Variants in GPC6 observed in about 807,000 individuals in gnomAD.
The protein encoded by GPC6 is glypican 6, also known as glypican-6.
Under a neutral mutation model 55.2 loss-of-function variants are expected in GPC6, and 14 were observed. The ratio of observed to expected loss-of-function variants is 0.25; its 90% confidence interval spans 0.17 to 0.40. GPC6 has a LOEUF of 0.40. GPC6 is among the 10% of genes least tolerant of loss of function. The probability of loss-of-function intolerance (pLI) is 1.00; values close to 1 mark genes in which losing one functional copy is unlikely to be tolerated. For synonymous variants in GPC6, 278 were observed against 259.6 expected, an observed-to-expected ratio of 1.07 and a Z score of -0.68; for missense variants, 641 against 708.5, an observed-to-expected ratio of 0.90 and a Z score of 1.08.
intron 2 of GPC6, among the ~76,000 whole-genome samples, chr13:93,790,893 A>C (rs1420407523): frequency 6.6e-6 from 1 of 152,228 alleles, no homozygotes; most frequent in South Asian, 2.1e-4. Flanking sequence ...TCACATGGAC[A>C]GCGAAGGGCA....
At chr13:94,252,727 C>T (rs1320449566) in intron 4 of GPC6, among the ~76,000 whole-genome samples, 1 of 152,012 alleles carries the variant, frequency 6.6e-6, no homozygotes, top group Non-Finnish European at 1.5e-5. Context: ...AAAATGCAGA[C>T]TTTCTTTTGT....
At chr13:94,377,602 T>C (rs1427911507) in intron 6 of GPC6, among the ~76,000 whole-genome samples, 2 of 150,362 alleles carry the variant, frequency 1.3e-5, no homozygotes, top group Non-Finnish European at 3.0e-5. Flanking sequence ...TTGGTGGGAC[T>C]GTAAACTAGT....
chr13:93,435,877 A>T (rs1375458162), intron 1 of GPC6, among the ~76,000 whole-genome samples: 1 of 152,176 alleles, frequency 6.6e-6, no homozygotes, highest in Non-Finnish European at 1.5e-5. Flanking sequence ...TTGTAGAAAG[A>T]TGGACTCAGA....
At chr13:93,808,472 G>A (rs539610755) in intron 2 of GPC6, among the ~76,000 whole-genome samples, 64 of 152,244 alleles carry the variant, frequency 4.2e-4, no homozygotes, top group African/African-American at 1.5e-3. Context: ...TTCAGCCAAG[G>A]TCTTCTATCC....
At chr13:94,379,791 C>T (rs1880074735) in intron 6 of GPC6, among the ~76,000 whole-genome samples, 2 of 152,146 alleles carry the variant, frequency 1.3e-5, no homozygotes, top group Admixed American at 6.5e-5. Context: ...AGTCACTTGA[C>T]CCATACTGGA....
chr13:94,129,520 G>T (rs983047162), intron 4 of GPC6, among the ~76,000 whole-genome samples: 1 of 152,080 alleles, frequency 6.6e-6, no homozygotes, highest in Admixed American at 6.6e-5. Context: ...TCTACCCTGT[G>T]GTTCTGCCTC....
chr13:94,204,894 T>C (rs1889856814), intron 4 of GPC6, among the ~76,000 whole-genome samples: 1 of 152,170 alleles, frequency 6.6e-6, no homozygotes, highest in Non-Finnish European at 1.5e-5. Flanking sequence ...GAAAACACTT[T>C]TCTCAATGTA....
intron 4 of GPC6, among the ~76,000 whole-genome samples, chr13:94,204,402 C>T (rs185449697): frequency 1.3e-5 from 2 of 152,210 alleles, no homozygotes. Context: ...CTTTAGTATG[C>T]CAGCCAACGC....
At chr13:93,942,211 T>C (rs1878771654) in intron 3 of GPC6, among the ~76,000 whole-genome samples, 1 of 152,240 alleles carries the variant, frequency 6.6e-6, no homozygotes, top group African/African-American at 2.4e-5. Flanking sequence ...CAGATTACTT[T>C]GAAACTTAGC....
chr13:94,269,967 A>G (rs563377782), intron 4 of GPC6, among the ~76,000 whole-genome samples: 1 of 152,312 alleles, frequency 6.6e-6, no homozygotes, highest in South Asian at 2.1e-4. Flanking sequence ...TCTCCTTCTT[A>G]TGTAATTAAA....
chr13:93,275,057 T>C lies in GPC6; in HGVS notation c.160+47441T>C, dbSNP rs1184784210. On this transcript the variant is annotated intron_variant, in intron 1 of 8. Transcript: ENST00000377047. ...TTCCAGCCTACTGAATTTAAGTACCTGGGCAAAATATTGAGAAATATTACA... is the reference window on the plus strand; with the variant it reads ...TTCCAGCCTACTGAATTTAAGTACCCGGGCAAAATATTGAGAAATATTACA... 2.0e-5 allele frequency among the ~76,000 whole-genome samples: 3 copies of C among 152,202 alleles called. 1 individual carries two copies. The South Asian group carries it at 6.2e-4, about 31-fold the overall frequency.
chr13:93,524,690 A>T (rs935832207), intron 1 of GPC6, among the ~76,000 whole-genome samples: 1 of 152,108 alleles, frequency 6.6e-6, no homozygotes, highest in Non-Finnish European at 1.5e-5. Context: ...TTAGAGAAAG[A>T]TTCATCGTTA....
intron 3 of GPC6, among the ~76,000 whole-genome samples, chr13:93,957,291 C>T (rs1407878308): frequency 1.3e-5 from 2 of 152,118 alleles, no homozygotes; most frequent in African/African-American, 2.4e-5. Context: ...AGGGGGTACA[C>T]GTACAGGCTT....
intron 4 of GPC6, among the ~76,000 whole-genome samples, chr13:94,181,482 A>C (rs1888994290): frequency 6.6e-6 from 1 of 152,200 alleles, no homozygotes. Flanking sequence ...TTTATTTTTC[A>C]TAAAGAATCA....
chr13:93,631,595 A>G (rs138885453), intron 2 of GPC6, among the ~76,000 whole-genome samples: 1 of 152,334 alleles, frequency 6.6e-6, no homozygotes, highest in African/African-American at 2.4e-5. Context: ...GTTTTACCTG[A>G]TAACGCTGGT....
intron 3 of GPC6, among the ~76,000 whole-genome samples, chr13:93,947,314 G>A (rs1458612160): frequency 6.6e-6 from 1 of 152,140 alleles, no homozygotes; most frequent in African/African-American, 2.4e-5. Context: ...CCCTAACTTA[G>A]AACATTCACA....
At chr13:93,394,756 G>A (rs573030721) in intron 1 of GPC6, among the ~76,000 whole-genome samples, 1 of 152,244 alleles carries the variant, frequency 6.6e-6, no homozygotes, top group South Asian at 2.1e-4. Flanking sequence ...AAGTTCCACT[G>A]TGAATCTGGT....
At chr13:94,227,785 TCTAG>T (rs1890604820) in intron 4 of GPC6, among the ~76,000 whole-genome samples, 1 of 152,048 alleles carries the variant, frequency 6.6e-6, no homozygotes, top group African/African-American at 2.4e-5. Context: ...TATCTGTTAC[TCTAG>T]AACCCAGGCT....
In GPC6 at chr13:93,991,566, T is replaced by C. The variant is rs146424823; in HGVS notation, c.712-36163T>C. Reference sequence around the variant, plus strand: ...ATGTCTTCTTAATTTCTATTCACAATTGACTTATAGGAAGTTCCATAAAGT... The same window carrying C: ...ATGTCTTCTTAATTTCTATTCACAACTGACTTATAGGAAGTTCCATAAAGT... On this transcript the variant is annotated intron_variant, in intron 3 of 8. Coordinates refer to ENST00000377047, the MANE Select transcript of GPC6 (RefSeq NM_005708.5). Among the ~76,000 whole-genome samples the C allele has an allele frequency of 2.0e-3, 302 of 152,334 alleles. 3 individuals are homozygous for C. The Middle Eastern group carries it at 0.031, about 15-fold the overall frequency.
Sources: allele counts gnomAD v4.1 joint callset (sites outside exome capture counted in the v4.1 genomes callset), GRCh38; gene constraint gnomAD v4.1.1; transcripts MANE v1.5; gene names NCBI Gene and HGNC (gene_info 2026-07-23, HGNC 2026-07-21).